Variants in ARHGAP10 observed in about 807,000 individuals in gnomAD.
ARHGAP10 encodes Rho GTPase activating protein 10.
A neutral mutation model predicts 108.6 loss-of-function variants in ARHGAP10; 87 were observed. The ratio of observed to expected loss-of-function variants is 0.80; its 90% CI spans 0.67 to 0.96. ARHGAP10 has a LOEUF of 0.96. Ranked by LOEUF, ARHGAP10 falls within the 40% of genes least tolerant of loss-of-function variation. The pLI is 0.00. For synonymous variants in ARHGAP10, 347 were observed against 341.1 expected (o/e 1.02, Z -0.19); for missense variants, 939 against 954.5 (o/e 0.98, Z 0.21).
intron 11 of ARHGAP10, among the ~76,000 whole-genome samples, chr4:147,907,887 G>C (rs911287412): frequency 1.3e-5 from 2 of 152,178 alleles, no homozygotes; most frequent in Non-Finnish European, 2.9e-5. Context: ...CTGTTGCCCA[G>C]TCTGCAGTGC....
intron 19 of ARHGAP10, among the ~76,000 whole-genome samples, chr4:148,031,072 A>G (rs1308856256): frequency 6.6e-6 from 1 of 152,066 alleles, no homozygotes; most frequent in African/African-American, 2.4e-5. Flanking sequence ...CAACAACAAC[A>G]AAAAAATGAA....
chr4:148,062,392 A>G (rs1729660349), intron 20 of ARHGAP10, among the ~76,000 whole-genome samples: 1 of 152,220 alleles, frequency 6.6e-6, no homozygotes, highest in South Asian at 2.1e-4. Context: ...CAGACAGGGA[A>G]CACGTGTGTG....
At chr4:147,913,534 C>T (rs762758784) in intron 13 of ARHGAP10, among the ~76,000 whole-genome samples, 6 of 152,122 alleles carry the variant, frequency 3.9e-5, no homozygotes, top group Non-Finnish European at 7.4e-5. Context: ...CAGGTGGCCC[C>T]CTTCCCGCTT....
At chr4:148,066,953 C>T (rs1386392099) in intron 22 of ARHGAP10, among the ~76,000 whole-genome samples, 2 of 152,196 alleles carry the variant, frequency 1.3e-5, no homozygotes, top group East Asian at 1.9e-4. Context: ...TTTGTGTCTC[C>T]CTTGGTTCTG....
chr4:147,743,678 G>A (rs1289624385), intron 1 of ARHGAP10, among the ~76,000 whole-genome samples: 1 of 152,230 alleles, frequency 6.6e-6, no homozygotes, highest in African/African-American at 2.4e-5. Context: ...TCTGGAGGCT[G>A]AGGCAGGAGA....
At chr4:147,738,225 A>T (rs538038053) in intron 1 of ARHGAP10, among the ~76,000 whole-genome samples, 102 of 152,282 alleles carry the variant, frequency 6.7e-4, no homozygotes, top group Non-Finnish European at 1.1e-3. Flanking sequence ...CAAGCTGCTT[A>T]GCTTTTCTAT....
In ARHGAP10 at chr4:148,043,508, G is replaced by A. The variant is rs372084517; in HGVS notation, c.1868-3384G>A. Among the ~76,000 whole-genome samples, 60 of 149,762 alleles carry A rather than the reference G, an allele frequency of 4.0e-4. 2 individuals carry two copies. The South Asian group carries it at 0.013, about 31-fold the overall frequency. The stretch of plus-strand genomic sequence containing the variant: ...AAATCTTTATTCCCAGCCAGGGGTG[G>A]TGGCTCATACTTGTAATCCGAACAC... On this transcript the variant is annotated intron_variant, in intron 19 of 22. Transcript: ENST00000336498.
chr4:147,775,493 CTA>C (rs1443990901), intron 1 of ARHGAP10, among the ~76,000 whole-genome samples: 2 of 152,184 alleles, frequency 1.3e-5, no homozygotes, highest in African/African-American at 4.8e-5. Flanking sequence ...CATTAGGGGC[CTA>C]TCAAGCCTTG....
chr4:147,929,112 G>A (rs1463233679), intron 13 of ARHGAP10, among the ~76,000 whole-genome samples: 1 of 152,104 alleles, frequency 6.6e-6, no homozygotes, highest in African/African-American at 2.4e-5. Context: ...TTTAAATGGA[G>A]GTACCAAGGT....
chr4:147,783,633 T>G, intron 1 of ARHGAP10, among the ~76,000 whole-genome samples: 1 of 146,452 alleles, frequency 6.8e-6, no homozygotes, highest in African/African-American at 2.5e-5. Context: ...CACATTAAAT[T>G]GTGTATTGTA....
At position 147,936,225 on chromosome 4, in the gene ARHGAP10, G is replaced by A. The variant is rs192168008; in HGVS notation, c.1229-3600G>A. Reference sequence around the variant, plus strand: ...GAGGCTCAATCTTTTTTCCTGTATCGGGCTCAAAAGGTCTCTGATTTTTGT... The same window carrying A: ...GAGGCTCAATCTTTTTTCCTGTATCAGGCTCAAAAGGTCTCTGATTTTTGT... On this transcript the variant is annotated intron_variant, in intron 13 of 22. Transcript: ENST00000336498. Among the ~76,000 whole-genome samples the A allele has an allele frequency of 3.3e-5, 5 of 151,888 alleles. 1 individual carries two copies. Among genetic ancestry groups the A allele is most frequent in the African/African-American group, 7.3e-5 (3 of 41,354 alleles).
At chr4:147,873,681 A>AAC (rs67852364) in intron 7 of ARHGAP10, among the ~76,000 whole-genome samples, 2,326 of 98,708 alleles carry the variant, frequency 0.024, 76 homozygotes, top group African/African-American at 0.062. Flanking sequence ...CAAAAAACAA[A>AAC]ACACACACAC....
chr4:147,940,017 C>T, intron 14 of ARHGAP10, 118 bp downstream of exon 14: 4 of 997,104 alleles, frequency 4.0e-6, no homozygotes, highest in South Asian at 1.6e-5. Flanking sequence ...CTACTTTCTA[C>T]AGGAGTTTTC....
At chr4:147,906,329 TAC>T (rs1736491314) in intron 10 of ARHGAP10, among the ~76,000 whole-genome samples, 1 of 152,178 alleles carries the variant, frequency 6.6e-6, no homozygotes, top group Non-Finnish European at 1.5e-5. Flanking sequence ...ATGTGGTATA[TAC>T]ACACACAATG....
chr4:147,914,087 G>A (rs1223248301), intron 13 of ARHGAP10, among the ~76,000 whole-genome samples: 1 of 152,154 alleles, frequency 6.6e-6, no homozygotes, highest in Non-Finnish European at 1.5e-5. Context: ...GGGAGGCAGA[G>A]GTTGCAGTGA....
chr4:148,043,614 AAT>A (rs57931206), intron 19 of ARHGAP10, among the ~76,000 whole-genome samples: 6,410 of 54,644 alleles, frequency 0.12, 510 homozygotes, highest in Admixed American at 0.18. Context: ...CCCTCTCTCT[AAT>A]ATATATATAT....
intron 20 of ARHGAP10, among the ~76,000 whole-genome samples, chr4:148,062,263 G>C (rs998956520): frequency 2.0e-5 from 3 of 152,192 alleles, no homozygotes; most frequent in Non-Finnish European, 4.4e-5. Flanking sequence ...TTCTCCGGCA[G>C]GGGAAACAAT....
chr4:147,999,534 C>A (rs1740612708), intron 18 of ARHGAP10, among the ~76,000 whole-genome samples: 2 of 152,330 alleles, frequency 1.3e-5, no homozygotes, highest in South Asian at 4.1e-4. Flanking sequence ...AGTGAGGCGC[C>A]CATTGCCGCT....
chr4:147,854,860 ATTG>A (rs1481649269), intron 4 of ARHGAP10: 3 of 985,246 alleles, frequency 3.0e-6, no homozygotes, highest in African/African-American at 1.7e-5. Flanking sequence ...TGATGTTGTT[ATTG>A]TTGTTTCTTG....
Sources: gnomAD v4.1 joint callset for allele counts (sites outside exome capture counted in the v4.1 genomes callset) on GRCh38, gnomAD v4.1.1 for gene constraint, MANE v1.5 for transcripts, NCBI Gene and HGNC (gene_info 2026-07-23, HGNC 2026-07-21) for gene names.